NFATC2: variants seen among roughly 807,000 people sequenced by gnomAD.
NFATC2 encodes the protein nuclear factor of activated T-cells, cytoplasmic 2.
In NFATC2, 22 loss-of-function variants were observed where a neutral mutation model predicts 87.3. The observed-to-expected ratio is 0.25, with a 90% CI of 0.18 to 0.36. The LOEUF (loss-of-function observed/expected upper bound fraction) is 0.36. NFATC2 is among the 10% of genes least tolerant of loss of function. The pLI, the probability that NFATC2 is intolerant of heterozygous loss-of-function variation, is 1.00. For synonymous variants in NFATC2, 565 were observed against 542.2 expected (o/e 1.04, Z -0.58); for missense variants, 1,149 against 1,259.1 (o/e 0.91, Z 1.32).
chr20:51,449,241 G>C (rs1004672625), intron 6 of NFATC2, among the ~76,000 whole-genome samples: 10 of 152,218 alleles, frequency 6.6e-5, no homozygotes, highest in Middle Eastern at 3.4e-3. Flanking sequence ...GATGAGTTTT[G>C]GAAAAAAGAA....
At chr20:51,459,249 C>T (rs1209408335) in intron 5 of NFATC2, among the ~76,000 whole-genome samples, 1 of 152,154 alleles carries the variant, frequency 6.6e-6, no homozygotes, top group Non-Finnish European at 1.5e-5. Context: ...GGTTCCATGC[C>T]ATGACATGGG....
intron 6 of NFATC2, among the ~76,000 whole-genome samples, chr20:51,450,302 A>C (rs1336971858): frequency 6.6e-6 from 1 of 152,228 alleles, no homozygotes; most frequent in East Asian, 1.9e-4. Context: ...AGCCTAGGCC[A>C]GCACCTGGGG....
At chr20:51,552,628 C>T (rs1203782225) in intron 1 of NFATC2, among the ~76,000 whole-genome samples, 2 of 152,148 alleles carry the variant, frequency 1.3e-5, no homozygotes, top group African/African-American at 4.8e-5. Flanking sequence ...ATCAGTACCT[C>T]GTAAGACAGC....
At chr20:51,431,094 G>T (rs772394169) in intron 9 of NFATC2, among the ~76,000 whole-genome samples, 1 of 152,066 alleles carries the variant, frequency 6.6e-6, no homozygotes, top group Non-Finnish European at 1.5e-5. Context: ...CTCTATATGT[G>T]CTTATTTCAC....
chr20:51,469,647 AC>A (rs752028363), intron 5 of NFATC2, among the ~76,000 whole-genome samples: 113 of 152,248 alleles, frequency 7.4e-4, no homozygotes, highest in African/African-American at 1.2e-3. Flanking sequence ...TTAGGTCTAA[AC>A]CCAATAAGTG....
intron 3 of NFATC2, among the ~76,000 whole-genome samples, chr20:51,495,634 G>A (rs1191179273): frequency 2.6e-5 from 4 of 152,194 alleles, no homozygotes; most frequent in Non-Finnish European, 5.9e-5. Context: ...TTTTTAGCAA[G>A]CATGGAGTTT....
chr20:51,514,417 T>C (rs2076319423), intron 3 of NFATC2, among the ~76,000 whole-genome samples: 1 of 152,252 alleles, frequency 6.6e-6, no homozygotes, highest in African/African-American at 2.4e-5. Flanking sequence ...CTGTGCTTGA[T>C]GGTGATATAC....
At chr20:51,446,786 C>G (rs1463706176) in intron 6 of NFATC2, among the ~76,000 whole-genome samples, 3 of 152,250 alleles carry the variant, frequency 2.0e-5, no homozygotes, top group Non-Finnish European at 4.4e-5. Context: ...AGCTTCGTGT[C>G]CCAGCAAAGC....
chr20:51,526,135 C>T (rs553890001), intron 1 of NFATC2, among the ~76,000 whole-genome samples: 1 of 152,258 alleles, frequency 6.6e-6, no homozygotes, highest in African/African-American at 2.4e-5. Context: ...CCCTCCTTCC[C>T]TTTTCCCTGC....
intron 3 of NFATC2, among the ~76,000 whole-genome samples, chr20:51,513,845 G>A (rs1241314962): frequency 1.8e-4 from 27 of 152,256 alleles, no homozygotes; most frequent in Admixed American, 1.2e-3. Flanking sequence ...GGAGTGGCCC[G>A]CAGGAGGCGT....
chr20:51,559,385 G>A (rs564154783), intron 1 of NFATC2, among the ~76,000 whole-genome samples: 55 of 152,276 alleles, frequency 3.6e-4, no homozygotes, highest in African/African-American at 1.2e-3. Flanking sequence ...ACGTGGTATT[G>A]GGGAAAGATC....
At chr20:51,472,629 CT>C (rs1223762055) in intron 5 of NFATC2, among the ~76,000 whole-genome samples, 2,527 of 92,770 alleles carry the variant, frequency 0.027, 19 homozygotes, top group African/African-American at 0.094. Context: ...CTTCTTTCTT[CT>C]TTTTTTTTTT....
At position 51,454,668 on chromosome 20, in the gene NFATC2, G is replaced by A. The variant is rs777738956; in HGVS notation, c.1729C>T (p.Leu577=). ...GTGTCTTGTCTTTCAACCATGGGCA[G>A]CTCGTGAGCAGATCGCTGGGCTGCA... is the stretch of plus-strand genomic sequence containing the variant. ...IECSQRSAHE[L]PMVERQDTDS... The change falls in exon 6 of 11, where the codon CTG becomes TTG. Residue 577 remains leucine (L), a synonymous_variant. Transcript: ENST00000371564. 1.2e-6 allele frequency: 2 copies of A among 1,614,032 alleles called. No individual in the cohort carries two copies. Among genetic ancestry groups the A allele is most frequent in the East Asian group, 2.2e-5 (1 of 44,890 alleles).
At chr20:51,456,966 G>A (rs1439867988) in intron 5 of NFATC2, among the ~76,000 whole-genome samples, 1 of 152,202 alleles carries the variant, frequency 6.6e-6, no homozygotes, top group Non-Finnish European at 1.5e-5. Flanking sequence ...CCAATCCCCT[G>A]ATGGCTTTTC....
intron 1 of NFATC2, among the ~76,000 whole-genome samples, chr20:51,527,683 T>A (rs935302391): frequency 6.6e-6 from 1 of 152,168 alleles, no homozygotes; most frequent in African/African-American, 2.4e-5. Flanking sequence ...GATGCTAATA[T>A]CCAAACCAAA....
At chr20:51,420,129 C>T (rs940174767) in intron 9 of NFATC2, among the ~76,000 whole-genome samples, 2 of 152,138 alleles carry the variant, frequency 1.3e-5, no homozygotes, top group Non-Finnish European at 2.9e-5. Flanking sequence ...ATCAAGCATT[C>T]ATCCTGCTTT....
chr20:51,449,407 C>G (rs73910852), intron 6 of NFATC2, among the ~76,000 whole-genome samples: 4,715 of 152,220 alleles, frequency 0.031, 210 homozygotes, highest in African/African-American at 0.11. Flanking sequence ...CACCGTGTCC[C>G]TAACACCCCC....
chr20:51,478,818 C>T (rs1401784285), intron 3 of NFATC2, among the ~76,000 whole-genome samples: 1 of 152,198 alleles, frequency 6.6e-6, no homozygotes, highest in African/African-American at 2.4e-5. Flanking sequence ...CAACACCAGC[C>T]ATCCTCCTGT....
At chr20:51,405,938 G>A (rs1255045576) in intron 9 of NFATC2, among the ~76,000 whole-genome samples, 4 of 152,130 alleles carry the variant, frequency 2.6e-5, no homozygotes, top group South Asian at 2.1e-4. Context: ...CACCATGCCC[G>A]GCTAAACTTT....
Sources: gnomAD v4.1 joint callset for allele counts (sites outside exome capture counted in the v4.1 genomes callset) on GRCh38, gnomAD v4.1.1 for gene constraint, MANE v1.5 for transcripts, NCBI Gene and HGNC (gene_info 2026-07-23, HGNC 2026-07-21) for gene names.